Variants in THUMPD3 observed in about 807,000 individuals in gnomAD.
THUMPD3 encodes the protein THUMP domain 3 tRNA guanosine methyltransferase.
In THUMPD3, 44 loss-of-function variants were observed where a neutral mutation model predicts 54.5. The ratio of observed to expected loss-of-function variants is 0.81; its 90% CI spans 0.63 to 1.04. THUMPD3 has a LOEUF of 1.04. Ranked by LOEUF, THUMPD3 falls within the 50% of genes least tolerant of loss-of-function variation. The pLI, the probability that THUMPD3 is intolerant of heterozygous loss-of-function variation, is 0.00. For synonymous variants in THUMPD3, 196 were observed against 201.4 expected (o/e 0.97, Z 0.23); for missense variants, 604 against 601.3 (o/e 1.00, Z -0.05).
At chr3:9,384,141 TTTTTG>T in intron 8 of THUMPD3, 66 bp from the exon 9 acceptor site, 1 of 1,531,632 alleles carries the variant, frequency 6.5e-7, no homozygotes, top group Non-Finnish European at 8.9e-7. Flanking sequence ...CATGAAACTG[TTTTTG>T]TTTCATATAG....
At chr3:9,372,587 A>T (rs1205613009) in intron 4 of THUMPD3, among the ~76,000 whole-genome samples, 1 of 152,108 alleles carries the variant, frequency 6.6e-6, no homozygotes, top group African/African-American at 2.4e-5. Context: ...CTCCAAAAAA[A>T]AAAAAAGTGC....
Position 9,384,895 on chromosome 3 carries a change from C to T in THUMPD3, c.*207C>T. On this transcript the variant is annotated 3_prime_UTR_variant, in exon 10 of 10. Coordinates refer to ENST00000452837, the MANE Select transcript of THUMPD3 (RefSeq NM_001114092.2). ...GCACAGTGGCTCACGACTGTAATTC[C>T]AGCAGTTTAGGAAGCCGAAGTGTGC... 1 of 577,310 alleles carries T rather than the reference C, an allele frequency of 1.7e-6. No individual in the cohort carries two copies. 35.8% of individuals were successfully genotyped at this position (577,310 alleles called of 1,614,324 possible).
chr3:9,384,276 T>G lies in THUMPD3; in HGVS notation c.1300T>G (p.Cys434Gly). 1 of 1,614,236 alleles carries G rather than the reference T, an allele frequency of 6.2e-7. No individual in the cohort carries two copies. The highest frequency in any genetic ancestry group is 2.2e-5 in the East Asian group (1 of 44,892). The change falls in exon 9 of 10, where the codon TGC becomes GGC. Residue 434 changes from cysteine (C) to glycine (G), a missense_variant. Coordinates refer to ENST00000452837, the MANE Select transcript of THUMPD3 (RefSeq NM_001114092.2). Reference protein sequence around the residue: ...PACLREMSRVCTPTTGRAVLL... With the variant: ...PACLREMSRVGTPTTGRAVLL... ...TTGCCTACGGGAGATGAGCCGTGTC[T>G]GCACACCTACCACAGGCCGAGCTGT...
chr3:9,365,794 C>A (rs1221133143), intron 2 of THUMPD3, among the ~76,000 whole-genome samples: 1 of 152,044 alleles, frequency 6.6e-6, no homozygotes, highest in African/African-American at 2.4e-5. Flanking sequence ...GTTTCACCAT[C>A]CTGGCCAGGC....
chr3:9,364,395 G>A (rs953188548), intron 1 of THUMPD3, among the ~76,000 whole-genome samples: 4 of 151,490 alleles, frequency 2.6e-5, no homozygotes, highest in African/African-American at 7.3e-5. Context: ...TACCCCAGCC[G>A]GAGTGCAGTG....
At chr3:9,368,150 GTTCTC>G (rs2031714436) in intron 3 of THUMPD3, among the ~76,000 whole-genome samples, 1 of 152,138 alleles carries the variant, frequency 6.6e-6, no homozygotes. Context: ...ATTCTAATGA[GTTCTC>G]TTAAGTATTC....
chr3:9,379,875 G>T (rs1056250114), intron 6 of THUMPD3, among the ~76,000 whole-genome samples: 3 of 152,046 alleles, frequency 2.0e-5, no homozygotes, highest in Non-Finnish European at 4.4e-5. Flanking sequence ...TGTTTTTGTA[G>T]AGATGGGCTT....
At chr3:9,379,957 T>C (rs993097504) in intron 6 of THUMPD3, among the ~76,000 whole-genome samples, 2 of 152,196 alleles carry the variant, frequency 1.3e-5, no homozygotes, top group African/African-American at 4.8e-5. Context: ...CCCAAAGTGC[T>C]GGGATTTCAG....
intron 5 of THUMPD3, among the ~76,000 whole-genome samples, chr3:9,375,100 A>G (rs1243137814): frequency 6.6e-6 from 1 of 151,920 alleles, no homozygotes; most frequent in Non-Finnish European, 1.5e-5. Context: ...CAGGTGATCC[A>G]CCCGCCTCGG....
In THUMPD3 at chr3:9,385,363, T is replaced by C. The variant is rs2033261732; in HGVS notation, c.*675T>C. The C allele has an allele frequency of 6.6e-6, 1 of 152,226 alleles. No homozygotes were observed. The highest frequency in any genetic ancestry group is 2.1e-4 in the South Asian group (1 of 4,834). 9.4% of individuals were successfully genotyped at this position (152,226 alleles called of 1,614,324 possible). On this transcript the variant is annotated 3_prime_UTR_variant, in exon 10 of 10. Coordinates refer to ENST00000452837, the MANE Select transcript of THUMPD3 (RefSeq NM_001114092.2). Reference sequence around the variant, plus strand: ...CCAAAGGAAGGGCAGAGAACATAATTACATCTTAGGCCACATTTCATTCTT... The same window carrying C: ...CCAAAGGAAGGGCAGAGAACATAATCACATCTTAGGCCACATTTCATTCTT...
intron 6 of THUMPD3, 110 bp downstream of exon 6, chr3:9,377,998 A>C: frequency 1.2e-6 from 1 of 862,436 alleles, no homozygotes; most frequent in Non-Finnish European, 1.8e-6. Context: ...AGTGGACCCA[A>C]GAGTTTTAAA....
Position 9,383,324 on chromosome 3 carries a change from T to C in THUMPD3, c.1235+15T>C, listed in dbSNP as rs768873078. The C allele has an allele frequency of 2.6e-6, 4 of 1,524,946 alleles. No homozygotes were observed. Among genetic ancestry groups the C allele is most frequent in the Non-Finnish European group, 3.6e-6 (4 of 1,099,142 alleles). The allele number at this position is 1,524,946 out of a possible 1,614,324, so 94.5% of individuals were successfully genotyped here. A position where few individuals can be genotyped will look rare whatever the true frequency, so the allele number is the denominator to read the frequency against. ...TTTGGAAAAAGGTGAGAAATACTAG[T>C]ACCTGCTTGTCTTCTAAATATGTCA... On this transcript the variant is annotated intron_variant, in intron 8 of 9. Coordinates refer to ENST00000452837, the MANE Select transcript of THUMPD3 (RefSeq NM_001114092.2).
intron 4 of THUMPD3, among the ~76,000 whole-genome samples, chr3:9,373,420 A>G (rs2032217317): frequency 6.6e-6 from 1 of 152,110 alleles, no homozygotes; most frequent in Non-Finnish European, 1.5e-5. Context: ...GCTTGAGCCC[A>G]GGAAGTCCAG....
Position 9,371,109 on chromosome 3 carries a change from C to T in THUMPD3, c.380C>T (p.Ser127Leu). The change falls in exon 4 of 10, where the codon TCA (serine) becomes TTA (leucine). Residue 127 changes from serine (S) to leucine (L), a missense_variant. Coordinates refer to ENST00000452837, the MANE Select transcript of THUMPD3 (RefSeq NM_001114092.2). ...GACTTGGCTGGAAAACTCCCATGGT[C>T]AAACCCCTTAAAAGTGTGGAAAATT... ...FEDLAGKLPW[S>L]NPLKVWKINA... is the part of the protein sequence containing the mutation. 6.3e-7 allele frequency: 1 copy of T among 1,598,338 alleles called. No individual in the cohort carries two copies. Among genetic ancestry groups the T allele is most frequent in the Non-Finnish European group, 8.5e-7 (1 of 1,176,170 alleles).
chr3:9,367,037 A>G (rs1483190970), intron 3 of THUMPD3, 52 bp downstream of exon 3: 3 of 1,375,358 alleles, frequency 2.2e-6, no homozygotes, highest in Non-Finnish European at 3.1e-6. Flanking sequence ...CCACAAAGAG[A>G]TTATTTCCAT....
In THUMPD3 at chr3:9,371,086, C is replaced by T; in HGVS notation, c.357C>T (p.Asp119=). 6.4e-7 allele frequency: 1 copy of T among 1,574,070 alleles called. No homozygotes were observed. Among genetic ancestry groups the T allele is most frequent in the Non-Finnish European group, 8.6e-7 (1 of 1,167,690 alleles). Residue 119 remains aspartate, a synonymous_variant, in exon 4 of 10, where the codon GAC becomes GAT. Transcript: ENST00000452837. The part of the protein sequence containing the change: ...TKEEVLKDFE[D]LAGKLPWSNP... The stretch of plus-strand genomic sequence containing the variant: ...AAGAAGTTCTAAAGGATTTTGAAGA[C>T]TTGGCTGGAAAACTCCCATGGTCAA...
chr3:9,384,140 GTT>G (rs1391747093), intron 8 of THUMPD3, 70 bp from the exon 9 acceptor site: 3 of 1,529,226 alleles, frequency 2.0e-6, no homozygotes, highest in East Asian at 2.3e-5. Flanking sequence ...GCATGAAACT[GTT>G]TTTGTTTCAT....
chr3:9,383,521 T>G (rs1559313124), intron 8 of THUMPD3, among the ~76,000 whole-genome samples: 1 of 152,216 alleles, frequency 6.6e-6, no homozygotes, highest in Non-Finnish European at 1.5e-5. Flanking sequence ...AGGTTCATTT[T>G]TAAATTACCT....
rs2031008467 is a variant in THUMPD3, at chr3:9,363,077, C to T, written c.-104C>T. 1 of 152,422 alleles carries T rather than the reference C, an allele frequency of 6.6e-6. No individual in the cohort carries two copies. Among genetic ancestry groups the T allele is most frequent in the Middle Eastern group, 3.4e-3 (1 of 294 alleles). The allele number at this position is 152,422 out of a possible 1,614,324, so 9.4% of individuals were successfully genotyped here. A position where few individuals can be genotyped will look rare whatever the true frequency, so the allele number is the denominator to read the frequency against. ...GCGGCTTCCGGCGGCGTGACCTGACCGCAAGAGGCCAATGGAGTGTGGGAG... is the reference window on the plus strand; with the variant it reads ...GCGGCTTCCGGCGGCGTGACCTGACTGCAAGAGGCCAATGGAGTGTGGGAG... On this transcript the variant is annotated 5_prime_UTR_variant, in exon 1 of 10. Coordinates refer to ENST00000452837, the MANE Select transcript of THUMPD3 (RefSeq NM_001114092.2).
Sources: allele counts gnomAD v4.1 joint callset (sites outside exome capture counted in the v4.1 genomes callset), GRCh38; gene constraint gnomAD v4.1.1; transcripts MANE v1.5; gene names NCBI Gene and HGNC (gene_info 2026-07-23, HGNC 2026-07-21).